Variants in MCUB observed in about 807,000 individuals in gnomAD.
MCUB encodes the protein mitochondrial calcium uniporter dominant negative subunit beta.
A neutral mutation model predicts 41.4 loss-of-function variants in MCUB; 46 were observed. The ratio of observed to expected loss-of-function variants is 1.11; its 90% CI spans 0.88 to 1.42. MCUB has a LOEUF of 1.42. Ranked by LOEUF, MCUB falls within the 40% of genes most tolerant of loss-of-function variation. MCUB has a pLI of 0.00. For synonymous variants in MCUB, 148 were observed against 148.2 expected, an observed-to-expected ratio of 1.00 and a Z score of 0.01; for missense variants, 403 against 404.9, an observed-to-expected ratio of 1.00 and a Z score of 0.04.
In MCUB at chr4:109,688,541, A is replaced by G. The variant is rs1729910444; in HGVS notation, c.*949A>G. 6.6e-6 allele frequency: 1 copy of G among 152,252 alleles called. No individual in the cohort carries two copies. The highest frequency in any genetic ancestry group is 2.1e-4 in the South Asian group (1 of 4,834). 9.4% of individuals were successfully genotyped at this position (152,252 alleles called of 1,614,324 possible). ...ATGTGGTAATTCATATGTAGATGAA[A>G]TATTAAACATTTAAATGACCGAGTA... On this transcript the variant is annotated 3_prime_UTR_variant, in exon 8 of 8. Coordinates refer to ENST00000394650, the MANE Select transcript of MCUB (RefSeq NM_017918.5).
chr4:109,663,284 C>T (rs1729266371), intron 3 of MCUB, among the ~76,000 whole-genome samples: 1 of 152,192 alleles, frequency 6.6e-6, no homozygotes, highest in Non-Finnish European at 1.5e-5. Context: ...CTACCCAGCA[C>T]CAATTTTTTG....
At chr4:109,611,018 T>C (rs1486080423) in intron 1 of MCUB, among the ~76,000 whole-genome samples, 2 of 152,210 alleles carry the variant, frequency 1.3e-5, no homozygotes, top group African/African-American at 4.8e-5. Flanking sequence ...ATAATGTATT[T>C]TCTCTGTATA....
At chr4:109,637,011 T>C (rs1728610407) in intron 1 of MCUB, among the ~76,000 whole-genome samples, 1 of 152,092 alleles carries the variant, frequency 6.6e-6, no homozygotes, top group Admixed American at 6.6e-5. Flanking sequence ...GGGTCAGGAA[T>C]GTGTGAAAGA....
At chr4:109,614,432 C>T (rs6818852) in intron 1 of MCUB, among the ~76,000 whole-genome samples, 75,601 of 151,332 alleles carry the variant, frequency 0.5, 20,064 homozygotes, top group South Asian at 0.7. Flanking sequence ...AGTGTCTTTA[C>T]AAGAAGAAAC....
intron 4 of MCUB, among the ~76,000 whole-genome samples, chr4:109,675,430 T>C (rs537079729): frequency 4.2e-4 from 64 of 152,254 alleles, no homozygotes; most frequent in African/African-American, 1.3e-3. Flanking sequence ...ACTAAGAGAG[T>C]TGAACCAACA....
At chr4:109,654,052 T>C (rs1411843028) in intron 1 of MCUB, among the ~76,000 whole-genome samples, 1 of 152,266 alleles carries the variant, frequency 6.6e-6, no homozygotes, top group Non-Finnish European at 1.5e-5. Context: ...ATAATTTATG[T>C]TAACATCAGT....
rs1459478210 is a variant in MCUB at position 109,560,281 on chromosome 4, G to C, written c.-57G>C. 6.6e-6 allele frequency: 6 copies of C among 904,748 alleles called. No individual in the cohort carries two copies. The highest frequency in any genetic ancestry group is 8.7e-6 in the Non-Finnish European group (6 of 688,886). 56.0% of individuals were successfully genotyped at this position (904,748 alleles called of 1,614,324 possible). The stretch of plus-strand genomic sequence containing the variant: ...GCCACCAGGCGCTGACGAGGAGCCC[G>C]GCTGAGGGAGGATGCGCCGCTGACG... On this transcript the variant is annotated 5_prime_UTR_variant, in exon 1 of 8. Transcript: ENST00000394650.
chr4:109,679,293 A>G (rs1159284903), intron 4 of MCUB, among the ~76,000 whole-genome samples: 1 of 152,222 alleles, frequency 6.6e-6, no homozygotes, highest in Non-Finnish European at 1.5e-5. Flanking sequence ...AGGCCAAGGC[A>G]GGCGGCTGGG....
chr4:109,640,243 G>A (rs1308948386), intron 1 of MCUB, among the ~76,000 whole-genome samples: 1 of 152,208 alleles, frequency 6.6e-6, no homozygotes, highest in Non-Finnish European at 1.5e-5. Context: ...ATCAGTTAGG[G>A]TGGGGCAAGA....
At chr4:109,628,884 T>G (rs1039609970) in intron 1 of MCUB, among the ~76,000 whole-genome samples, 2 of 152,184 alleles carry the variant, frequency 1.3e-5, no homozygotes, top group African/African-American at 4.8e-5. Flanking sequence ...CTTGCTTGTT[T>G]GTCTTTATGG....
chr4:109,603,756 C>T (rs548035191), intron 1 of MCUB, among the ~76,000 whole-genome samples: 7 of 151,564 alleles, frequency 4.6e-5, no homozygotes, highest in African/African-American at 9.7e-5. Context: ...GCAGCTGCCC[C>T]GTCTGGGAGG....
intron 1 of MCUB, among the ~76,000 whole-genome samples, chr4:109,655,333 G>A (rs1019642148): frequency 6.6e-6 from 1 of 152,142 alleles, no homozygotes; most frequent in Admixed American, 6.5e-5. Context: ...GAACCTCATT[G>A]TTTAGGGACT....
At chr4:109,566,694 G>A (rs923670124) in intron 1 of MCUB, among the ~76,000 whole-genome samples, 2 of 152,066 alleles carry the variant, frequency 1.3e-5, no homozygotes, top group East Asian at 1.9e-4. Flanking sequence ...CCAATTAGAC[G>A]AATCTCCTTG....
At chr4:109,644,348 C>T (rs1367020138) in intron 1 of MCUB, among the ~76,000 whole-genome samples, 1 of 152,158 alleles carries the variant, frequency 6.6e-6, no homozygotes, top group African/African-American at 2.4e-5. Context: ...ATCCCACTAA[C>T]TCCTGACTTT....
chr4:109,611,162 A>G (rs1400120986), intron 1 of MCUB, among the ~76,000 whole-genome samples: 1 of 152,062 alleles, frequency 6.6e-6, no homozygotes, highest in Admixed American at 6.6e-5. Flanking sequence ...CAAGGGCTAG[A>G]TAAACATCTC....
At chr4:109,667,738 A>C (rs1278296850) in intron 4 of MCUB, among the ~76,000 whole-genome samples, 2 of 151,214 alleles carry the variant, frequency 1.3e-5, no homozygotes. Flanking sequence ...TTCTTAAAGT[A>C]TAAGTTCAGA....
chr4:109,587,336 G>C (rs1248241137), intron 1 of MCUB, among the ~76,000 whole-genome samples: 1 of 152,248 alleles, frequency 6.6e-6, no homozygotes, highest in African/African-American at 2.4e-5. Context: ...TTGGGCGAGA[G>C]TGTCCCGTTT....
chr4:109,567,374 A>G (rs947173058), intron 1 of MCUB, among the ~76,000 whole-genome samples: 2 of 151,920 alleles, frequency 1.3e-5, no homozygotes, highest in African/African-American at 2.4e-5. Flanking sequence ...ATGGTACTGT[A>G]TGTGTTCCTG....
At chr4:109,560,751 G>A (rs1202703304) in intron 1 of MCUB, among the ~76,000 whole-genome samples, 1 of 152,114 alleles carries the variant, frequency 6.6e-6, no homozygotes, top group African/African-American at 2.4e-5. Context: ...GAATAACCTG[G>A]GAGGCAGTTT....
Sources: gnomAD v4.1 joint callset for allele counts (sites outside exome capture counted in the v4.1 genomes callset) on GRCh38, gnomAD v4.1.1 for gene constraint, MANE v1.5 for transcripts, NCBI Gene and HGNC (gene_info 2026-07-23, HGNC 2026-07-21) for gene names.